The following COL24A1 variants were observed in gnomAD, a reference collection of about 807,000 sequenced individuals.
COL24A1 encodes collagen type XXIV alpha 1 chain.
In COL24A1, 224 loss-of-function variants were observed where a neutral mutation model predicts 253.9. That is an observed-to-expected ratio of 0.88 (90% CI 0.79 to 0.99). COL24A1 has a LOEUF of 0.99. COL24A1 is among the 50% of genes least tolerant of loss of function. The pLI, the probability that COL24A1 is intolerant of heterozygous loss-of-function variation, is 0.00. For synonymous variants in COL24A1, 685 were observed against 673.7 expected, an observed-to-expected ratio of 1.02 and a Z score of -0.26; for missense variants, 2,131 against 2,068.5, an observed-to-expected ratio of 1.03 and a Z score of -0.59.
Position 86,112,585 on chromosome 1 carries a change from A to C in COL24A1, c.1581T>G (p.Pro527=), listed in dbSNP as rs1199971936. The part of the protein sequence containing the change: ...IPGPHGNPGL[P]GLPGPKGPKG... ...CACTTACCTTTGGACCAGGTAATCCAGGTAAACCAGGATTTCCATGTGGCC... is the reference window on the plus strand; with the variant it reads ...CACTTACCTTTGGACCAGGTAATCCCGGTAAACCAGGATTTCCATGTGGCC... The change falls in exon 5 of 60, where the codon CCT becomes CCG. Residue 527 remains proline, a synonymous_variant. Transcript: ENST00000370571. 1 of 1,613,380 alleles carries C rather than the reference A, an allele frequency of 6.2e-7. No homozygotes were observed. The highest frequency in any genetic ancestry group is 8.5e-7 in the Non-Finnish European group (1 of 1,179,536).
chr1:85,971,150 A>C (rs976495232), intron 21 of COL24A1, among the ~76,000 whole-genome samples, 190 bp downstream of exon 21: 1 of 152,122 alleles, frequency 6.6e-6, no homozygotes, highest in Non-Finnish European at 1.5e-5. Flanking sequence ...TCGAGGCTGC[A>C]GTGAGCCAAG....
At chr1:85,858,616 T>TCTCCCTCC (rs758179112) in intron 37 of COL24A1, among the ~76,000 whole-genome samples, 8 of 68,018 alleles carry the variant, frequency 1.2e-4, no homozygotes, top group African/African-American at 2.9e-4. Flanking sequence ...CTCCTTATTT[T>TCTCCCTCC]CTCCCTCCTT....
chr1:86,075,856 A>G (rs755198733), intron 7 of COL24A1, among the ~76,000 whole-genome samples: 16 of 152,206 alleles, frequency 1.1e-4, no homozygotes, highest in Non-Finnish European at 1.8e-4. Flanking sequence ...CTTCATGCTA[A>G]AAACTCTCAG....
At chr1:85,742,890 AG>A (rs532399826) in intron 57 of COL24A1, among the ~76,000 whole-genome samples, 180 of 152,272 alleles carry the variant, frequency 1.2e-3, no homozygotes, top group African/African-American at 4.1e-3. Context: ...CCACATGCTT[AG>A]TGTTCCAATA....
At chr1:85,849,497 G>A in intron 37 of COL24A1, 91 bp from the exon 38 acceptor site, 1 of 969,684 alleles carries the variant, frequency 1.0e-6, no homozygotes, top group South Asian at 1.5e-5. Context: ...TCACTGGATT[G>A]GATTGGACGA....
intron 32 of COL24A1, among the ~76,000 whole-genome samples, chr1:85,887,668 C>G (rs958684515): frequency 2.0e-5 from 3 of 152,060 alleles, no homozygotes; most frequent in Admixed American, 1.3e-4. Context: ...GTTTACCTAT[C>G]CTACTTTATG....
At chr1:86,149,679 A>C (rs1262701052) in intron 1 of COL24A1, among the ~76,000 whole-genome samples, 1 of 152,208 alleles carries the variant, frequency 6.6e-6, no homozygotes, top group Non-Finnish European at 1.5e-5. Context: ...TTAGCAATTC[A>C]ACAAACTCAT....
At chr1:86,010,902 C>A (rs541339018) in intron 19 of COL24A1, among the ~76,000 whole-genome samples, 1 of 152,130 alleles carries the variant, frequency 6.6e-6, no homozygotes, top group South Asian at 2.1e-4. Context: ...CATACATCTG[C>A]CCCTTAAACA....
At chr1:85,779,665 C>G (rs1030033166) in intron 52 of COL24A1, among the ~76,000 whole-genome samples, 1 of 152,070 alleles carries the variant, frequency 6.6e-6, no homozygotes, top group African/African-American at 2.4e-5. Flanking sequence ...CAATTATATG[C>G]CATTTTTGTT....
intron 32 of COL24A1, among the ~76,000 whole-genome samples, chr1:85,888,104 T>C (rs1335480360): frequency 6.6e-6 from 1 of 152,108 alleles, no homozygotes; most frequent in Non-Finnish European, 1.5e-5. Flanking sequence ...TTAAGAATTA[T>C]ACTTCACATA....
chr1:85,943,631 T>C (rs969885514), intron 24 of COL24A1, among the ~76,000 whole-genome samples: 12 of 152,218 alleles, frequency 7.9e-5, no homozygotes, highest in Admixed American at 6.5e-4. Flanking sequence ...AATCACTTAA[T>C]TGCAACAGTT....
chr1:86,088,839 A>C (rs1180387260), intron 7 of COL24A1, among the ~76,000 whole-genome samples: 3 of 147,934 alleles, frequency 2.0e-5, no homozygotes, highest in Non-Finnish European at 3.0e-5. Context: ...TATAGTTTTA[A>C]AAAGGAAAGC....
chr1:86,027,837 A>G (rs945741248), intron 14 of COL24A1, among the ~76,000 whole-genome samples: 1 of 152,214 alleles, frequency 6.6e-6, no homozygotes, highest in African/African-American at 2.4e-5. Flanking sequence ...CAGGCACTCA[A>G]TGCCAGACCA....
chr1:86,004,168 C>T (rs1482186692), intron 19 of COL24A1, among the ~76,000 whole-genome samples: 4 of 152,182 alleles, frequency 2.6e-5, no homozygotes, highest in African/African-American at 9.7e-5. Context: ...AGAAGGCAAC[C>T]AGCTACTCGG....
In COL24A1 at chr1:85,842,354, TTCCTGGTTCTCCA is replaced by T. The variant is rs1676708089; in HGVS notation, c.3489_3501del (p.Asp1163GlufsTer34). 1 of 1,600,556 alleles carries T rather than the reference TTCCTGGTTCTCCA, an allele frequency of 6.2e-7. No individual in the cohort carries two copies. The highest frequency in any genetic ancestry group is 8.5e-7 in the Non-Finnish European group (1 of 1,172,788). On this transcript the variant is annotated frameshift_variant, in exon 40 of 60. Coordinates refer to ENST00000370571, the MANE Select transcript of COL24A1 (RefSeq NM_152890.7). LOFTEE classifies it high-confidence loss of function. ...TAAATACTTACCCTGTACCCTGGAA[TTCCTGGTTCTCCA>T]TCAGGTCCCATCAATCCTAAATGTC...
At chr1:86,031,826 A>T (rs1698594910) in intron 14 of COL24A1, 52 bp downstream of exon 14, 1 of 1,460,318 alleles carries the variant, frequency 6.8e-7, no homozygotes, top group African/African-American at 1.4e-5. Flanking sequence ...AACACATATA[A>T]ATTGCACAAT....
intron 12 of COL24A1, among the ~76,000 whole-genome samples, chr1:86,035,372 G>T (rs886635086): frequency 2.6e-5 from 4 of 152,084 alleles, no homozygotes; most frequent in Non-Finnish European, 4.4e-5. Flanking sequence ...AAAAAGTAGA[G>T]GAAATATACT....
intron 55 of COL24A1, among the ~76,000 whole-genome samples, chr1:85,756,917 C>T (rs1314254040): frequency 6.6e-6 from 1 of 152,080 alleles, no homozygotes; most frequent in African/African-American, 2.4e-5. Context: ...AAGAGATGAA[C>T]CCTGAAGATA....
At position 86,097,850 on chromosome 1, in the gene COL24A1, C is replaced by A. The variant is rs1704129759; in HGVS notation, c.1600-5530G>T. Among the ~76,000 whole-genome samples the A allele has an allele frequency of 2.0e-5, 3 of 152,020 alleles. No individual in the cohort carries two copies. In the South Asian group the frequency reaches 6.3e-4, roughly 32 times the overall value. On this transcript the variant is annotated intron_variant, in intron 5 of 59. Coordinates refer to ENST00000370571, the MANE Select transcript of COL24A1 (RefSeq NM_152890.7). ...ACTGTATTTCTAGCTATGGCATGTC[C>A]CCTGAACTCCAGATCCAAATCCTAT...
Sources: gnomAD v4.1 joint callset for allele counts (sites outside exome capture counted in the v4.1 genomes callset) on GRCh38, gnomAD v4.1.1 for gene constraint, MANE v1.5 for transcripts, NCBI Gene and HGNC (gene_info 2026-07-23, HGNC 2026-07-21) for gene names.